Variants in CDH22 observed in about 807,000 individuals in gnomAD.
CDH22 encodes cadherin-22.
CDH22 carries 30 observed loss-of-function variants against 58.4 expected under a neutral mutation model. That is an observed-to-expected ratio of 0.51 (90% CI 0.38 to 0.70). The LOEUF (loss-of-function observed/expected upper bound fraction) is 0.70. Ranked by LOEUF, CDH22 falls within the 30% of genes least tolerant of loss-of-function variation. CDH22 has a pLI of 0.00. For missense variants in CDH22, 1,014 were observed against 1,233.9 expected, an observed-to-expected ratio of 0.82 and a Z score of 2.67; for synonymous variants, 513 against 558.2, an observed-to-expected ratio of 0.92 and a Z score of 1.14.
intron 11 of CDH22, among the ~76,000 whole-genome samples, chr20:46,176,994 T>A (rs1285448902): frequency 6.6e-6 from 1 of 152,102 alleles, no homozygotes; most frequent in Admixed American, 6.5e-5. Context: ...GTGCACCCTC[T>A]GGAAAAAGGG....
At chr20:46,299,332 C>A (rs191723571) in intron 1 of CDH22, among the ~76,000 whole-genome samples, 2 of 152,358 alleles carry the variant, frequency 1.3e-5, no homozygotes, top group East Asian at 3.9e-4. Context: ...CTGCCTCCCC[C>A]ACGAAGCCTC....
At chr20:46,305,779 C>T (rs758551433) in intron 1 of CDH22, among the ~76,000 whole-genome samples, 8 of 152,242 alleles carry the variant, frequency 5.3e-5, no homozygotes, top group South Asian at 4.1e-4. Context: ...CTGGCTGCTC[C>T]GAACTTTGCC....
At chr20:46,295,908 G>A (rs986708717) in intron 1 of CDH22, among the ~76,000 whole-genome samples, 10 of 152,298 alleles carry the variant, frequency 6.6e-5, no homozygotes, top group African/African-American at 1.9e-4. Flanking sequence ...GATTACAGTC[G>A]TGTGCTGCCA....
At position 46,220,228 on chromosome 20, in the gene CDH22, C is replaced by A. The variant is rs566365672; in HGVS notation, c.671-3235G>T. 1.2e-3 allele frequency among the ~76,000 whole-genome samples: 181 copies of A among 151,378 alleles called. 1 individual carries two copies. The highest frequency in any genetic ancestry group is 1.8e-3 in the Non-Finnish European group (124 of 67,826). On this transcript the variant is annotated intron_variant, in intron 4 of 11. Coordinates refer to ENST00000537909, the MANE Select transcript of CDH22 (RefSeq NM_021248.3). Reference sequence around the variant, plus strand: ...GAGGTAGATAAACCAGAGAGAAAGCCAGAGATACCCAGAAAGAGACAGTAA... The same window carrying A: ...GAGGTAGATAAACCAGAGAGAAAGCAAGAGATACCCAGAAAGAGACAGTAA...
At chr20:46,269,682 GA>G (rs962630610) in intron 1 of CDH22, among the ~76,000 whole-genome samples, 2 of 152,218 alleles carry the variant, frequency 1.3e-5, no homozygotes, top group African/African-American at 4.8e-5. Context: ...TGAGCAGACA[GA>G]GGATGCCAAG....
At chr20:46,233,959 C>G (rs2086236779) in intron 3 of CDH22, among the ~76,000 whole-genome samples, 1 of 152,252 alleles carries the variant, frequency 6.6e-6, no homozygotes, top group Non-Finnish European at 1.5e-5. Flanking sequence ...GGCTGCTGAG[C>G]TACACTCTCT....
At chr20:46,297,214 TGAG>T (rs1305167389) in intron 1 of CDH22, among the ~76,000 whole-genome samples, 3 of 150,694 alleles carry the variant, frequency 2.0e-5, no homozygotes, top group Admixed American at 6.6e-5. Context: ...AGGGGCTGAG[TGAG>T]GAGGTCAGGG....
chr20:46,267,294 T>C (rs1041699358), intron 1 of CDH22, among the ~76,000 whole-genome samples: 15 of 152,190 alleles, frequency 9.9e-5, no homozygotes, highest in Non-Finnish European at 2.1e-4. Flanking sequence ...TCAAGCATGG[T>C]ACACTAACTG....
chr20:46,265,173 C>T (rs1167390961), intron 1 of CDH22, among the ~76,000 whole-genome samples: 2 of 152,202 alleles, frequency 1.3e-5, no homozygotes, highest in Non-Finnish European at 2.9e-5. Flanking sequence ...AAATTGAATA[C>T]CATCCTGGCC....
In CDH22 at chr20:46,241,267, C is replaced by CAGAGA; in HGVS notation, c.256-15_256-11dup. The CAGAGA allele has an allele frequency of 1.3e-6, 2 of 1,580,042 alleles. No individual in the cohort carries two copies. Among genetic ancestry groups the CAGAGA allele is most frequent in the South Asian group, 2.3e-5 (2 of 86,414 alleles). On this transcript the variant is annotated splice_polypyrimidine_tract_variant and intron_variant, in intron 2 of 11. Transcript: ENST00000537909. This position sits in a 1 kb window ranked among gnomAD's most constrained non-coding sequence, Gnocchi z 5.2. ...CTGAGTCGGAGTGGATCTGGGTAGG[C>CAGAGA]AGAGAAGAAGGCAAGGTGGAGGCTG...
chr20:46,253,842 G>C (rs913251514), intron 1 of CDH22, among the ~76,000 whole-genome samples: 1 of 152,198 alleles, frequency 6.6e-6, no homozygotes, highest in Non-Finnish European at 1.5e-5. Flanking sequence ...TTGGAGGGAG[G>C]CTGCTGTCAC....
intron 1 of CDH22, among the ~76,000 whole-genome samples, chr20:46,256,795 G>T (rs1259615686): frequency 1.3e-5 from 2 of 152,106 alleles, no homozygotes; most frequent in Admixed American, 1.3e-4. Flanking sequence ...GAGGCCAGGG[G>T]TTCAAGAGCA....
intron 4 of CDH22, among the ~76,000 whole-genome samples, chr20:46,223,637 C>CTT (rs1433643940): frequency 1.3e-5 from 2 of 149,220 alleles, no homozygotes; most frequent in Admixed American, 6.6e-5. Flanking sequence ...TTTTTTCTTT[C>CTT]TTTCTTTCTT....
chr20:46,252,934 G>T (rs544147850), intron 1 of CDH22, among the ~76,000 whole-genome samples: 8 of 152,314 alleles, frequency 5.3e-5, no homozygotes, highest in Non-Finnish European at 8.8e-5. Context: ...TGGAGGAGGC[G>T]GCATCTGAGC....
At chr20:46,194,419 C>T (rs1256771005) in intron 8 of CDH22, among the ~76,000 whole-genome samples, 1 of 152,222 alleles carries the variant, frequency 6.6e-6, no homozygotes, top group Admixed American at 6.5e-5. Flanking sequence ...TATGGTCCTT[C>T]TGAGAGGCAT....
chr20:46,208,075 C>G (rs933936286), intron 7 of CDH22, among the ~76,000 whole-genome samples: 4 of 152,236 alleles, frequency 2.6e-5, no homozygotes, highest in African/African-American at 7.2e-5. Flanking sequence ...TTCCCTCCCC[C>G]TCTCCTCAAT....
chr20:46,245,929 G>A (rs1284259216), intron 2 of CDH22, among the ~76,000 whole-genome samples: 1 of 152,060 alleles, frequency 6.6e-6, no homozygotes, highest in African/African-American at 2.4e-5. Context: ...AATGAGAGAC[G>A]GCCCCAAAGC....
chr20:46,239,797 C>G (rs2070910109), intron 3 of CDH22, among the ~76,000 whole-genome samples: 1 of 152,192 alleles, frequency 6.6e-6, no homozygotes. Flanking sequence ...CCCGTTTCTA[C>G]CAGAGCCCCA....
intron 7 of CDH22, among the ~76,000 whole-genome samples, chr20:46,204,994 C>T (rs993935409): frequency 2.0e-5 from 3 of 151,998 alleles, no homozygotes; most frequent in African/African-American, 7.3e-5. Flanking sequence ...ATGCAGCTGC[C>T]GCCCAAGCTG....
Sources: allele counts gnomAD v4.1 joint callset (sites outside exome capture counted in the v4.1 genomes callset), GRCh38; gene constraint gnomAD v4.1.1; non-coding constraint Gnocchi (gnomAD v3.1); transcripts MANE v1.5; gene names NCBI Gene and HGNC (gene_info 2026-07-23, HGNC 2026-07-21).